TTC28: variants seen among roughly 807,000 people sequenced by gnomAD.
TTC28 encodes the protein tetratricopeptide repeat protein 28.
TTC28 carries 61 observed loss-of-function variants against 198.0 expected under a neutral mutation model. That is an observed-to-expected ratio of 0.31 (90% confidence interval 0.25 to 0.38). TTC28 has a LOEUF of 0.38. TTC28 is among the 10% of genes least tolerant of loss of function. TTC28 has a pLI of 1.00. For missense variants in TTC28, 2,678 were observed against 3,164.0 expected (o/e 0.85, Z 3.69); for synonymous variants, 1,171 against 1,297.8 (o/e 0.90, Z 2.10).
intron 2 of TTC28, among the ~76,000 whole-genome samples, chr22:28,566,425 C>A (rs1291265074): frequency 1.3e-5 from 2 of 152,106 alleles, no homozygotes; most frequent in East Asian, 3.9e-4. Flanking sequence ...CGTTAACTGG[C>A]AAATTTAAGC....
At chr22:28,412,564 T>C (rs1254099339) in intron 2 of TTC28, among the ~76,000 whole-genome samples, 3 of 152,220 alleles carry the variant, frequency 2.0e-5, no homozygotes, top group East Asian at 3.8e-4. Flanking sequence ...TACAATACTC[T>C]TCTCTCCCTA....
rs140938520 is a variant in TTC28 at position 28,010,911 on chromosome 22, C to T, written c.4218+3337G>A. On this transcript the variant is annotated intron_variant, in intron 14 of 22. Transcript: ENST00000397906. ...ATACCATTCCAGAAACTTTACTGAC[C>T]GCCAACGTGTACCAGGCCTTGTAAC... 2.0e-3 allele frequency among the ~76,000 whole-genome samples: 307 copies of T among 152,288 alleles called. 1 individual carries two copies. The highest frequency in any genetic ancestry group is 7.2e-3 in the African/African-American group (298 of 41,554).
intron 2 of TTC28, among the ~76,000 whole-genome samples, chr22:28,526,198 ATAAG>A (rs2049001022): frequency 6.6e-6 from 1 of 152,216 alleles, no homozygotes; most frequent in Non-Finnish European, 1.5e-5. Flanking sequence ...ACTAACAATA[ATAAG>A]TATCTAGTCT....
At chr22:28,581,105 T>C (rs758642364) in intron 2 of TTC28, among the ~76,000 whole-genome samples, 17 of 152,196 alleles carry the variant, frequency 1.1e-4, no homozygotes, top group Non-Finnish European at 2.4e-4. Flanking sequence ...ACGGTCCTCA[T>C]GCGAGGTAAC....
At chr22:28,304,052 A>G (rs2045082457) in intron 3 of TTC28, among the ~76,000 whole-genome samples, 1 of 152,014 alleles carries the variant, frequency 6.6e-6, no homozygotes, top group Non-Finnish European at 1.5e-5. Context: ...TTGGGAGGCC[A>G]AGGTGGGAGG....
chr22:28,433,812 A>G (rs2047473703), intron 2 of TTC28, among the ~76,000 whole-genome samples: 2 of 152,214 alleles, frequency 1.3e-5, no homozygotes, highest in African/African-American at 4.8e-5. Context: ...ACTGGGGGAA[A>G]AAAAAGGCAA....
At position 28,386,304 on chromosome 22, in the gene TTC28, A is replaced by AAAAAAAG. The variant is rs1569296639; in HGVS notation, c.382-79662_382-79661insCTTTTTT. ...AAAAAAAAAAAAAAAAAAAAAAAAA[A>AAAAAAAG]AAGAAGGCTTCACCAGTTTTAGCAG... On this transcript the variant is annotated intron_variant, in intron 2 of 22. Transcript: ENST00000397906. 1.4e-3 allele frequency among the ~76,000 whole-genome samples: 172 copies of AAAAAAAG among 124,006 alleles called. 5 individuals carry two copies. Among genetic ancestry groups the AAAAAAAG allele is most frequent in the African/African-American group, 5.0e-3 (168 of 33,908 alleles). The allele number at this position is 124,006 out of a possible 152,430, so 81.4% of individuals were successfully genotyped here.
intron 2 of TTC28, among the ~76,000 whole-genome samples, chr22:28,485,613 G>T (rs1780861722): frequency 6.6e-6 from 1 of 152,090 alleles, no homozygotes; most frequent in African/African-American, 2.4e-5. Context: ...TCCTTGCTGG[G>T]TCTGTGGGGT....
At chr22:28,182,962 C>T (rs1923847353) in intron 5 of TTC28, among the ~76,000 whole-genome samples, 1 of 151,982 alleles carries the variant, frequency 6.6e-6, no homozygotes, top group African/African-American at 2.4e-5. Flanking sequence ...TACTTTTCTC[C>T]TCAAGCAGCC....
At chr22:28,402,293 A>C (rs533467857) in intron 2 of TTC28, among the ~76,000 whole-genome samples, 1 of 152,334 alleles carries the variant, frequency 6.6e-6, no homozygotes, top group Admixed American at 6.5e-5. Flanking sequence ...AATAATGCCT[A>C]AAGTGGTAAC....
At chr22:28,266,018 A>G (rs1401530649) in intron 5 of TTC28, among the ~76,000 whole-genome samples, 2 of 152,032 alleles carry the variant, frequency 1.3e-5, no homozygotes, top group East Asian at 3.9e-4. Context: ...TGTCTCTACT[A>G]AAAATACAAA....
intron 2 of TTC28, among the ~76,000 whole-genome samples, chr22:28,623,503 T>G (rs2051032608): frequency 6.6e-6 from 1 of 152,024 alleles, no homozygotes; most frequent in Admixed American, 6.6e-5. Flanking sequence ...ACAAAAAAAG[T>G]CAGCAAAGAC....
intron 2 of TTC28, among the ~76,000 whole-genome samples, chr22:28,549,205 T>C (rs1310616482): frequency 2.0e-5 from 3 of 152,088 alleles, no homozygotes; most frequent in East Asian, 1.9e-4. Flanking sequence ...TTTTTTTTAT[T>C]GTTAGGAGAG....
intron 2 of TTC28, among the ~76,000 whole-genome samples, chr22:28,373,071 G>C (rs2145997246): frequency 6.6e-6 from 1 of 152,182 alleles, no homozygotes; most frequent in African/African-American, 2.4e-5. Context: ...GAGAACAATG[G>C]ATACAGGTGA....
intron 2 of TTC28, among the ~76,000 whole-genome samples, chr22:28,564,904 T>A (rs1302277694): frequency 2.7e-5 from 4 of 147,968 alleles, no homozygotes; most frequent in Non-Finnish European, 3.0e-5. Context: ...AATTTATATG[T>A]AATTTATATA....
chr22:28,428,740 G>A (rs921707731), intron 2 of TTC28, among the ~76,000 whole-genome samples: 9 of 151,854 alleles, frequency 5.9e-5, no homozygotes, highest in African/African-American at 1.2e-4. Context: ...CCGGGATCAC[G>A]CCATTCTCCC....
intron 12 of TTC28, among the ~76,000 whole-genome samples, chr22:28,062,000 C>A (rs1940561240): frequency 6.6e-6 from 1 of 152,064 alleles, no homozygotes; most frequent in Non-Finnish European, 1.5e-5. Context: ...GGAGTTCACT[C>A]ATGATTTGGC....
intron 2 of TTC28, among the ~76,000 whole-genome samples, chr22:28,445,047 C>T (rs2047682912): frequency 6.6e-6 from 1 of 152,204 alleles, no homozygotes; most frequent in Non-Finnish European, 1.5e-5. Flanking sequence ...CTCTTCCCAA[C>T]TTTCCTTTCT....
rs1443645550 is a variant in TTC28 at position 28,663,516 on chromosome 22, G to T, written c.102+16106C>A. Among the ~76,000 whole-genome samples the T allele has an allele frequency of 1.7e-4, 24 of 138,714 alleles. No homozygotes were observed. In the Admixed American group the frequency reaches 1.7e-3, roughly 10 times the overall value. 91.0% of individuals were successfully genotyped at this position (138,714 alleles called of 152,430 possible). On this transcript the variant is annotated intron_variant, in intron 1 of 22. Coordinates refer to ENST00000397906, the MANE Select transcript of TTC28 (RefSeq NM_001145418.2). ...CAAGGGGTCAGGGAGTTCCCTTTCCGAGTCAAAGAAAGGGGTGACGGACGC... is the reference window on the plus strand; with the variant it reads ...CAAGGGGTCAGGGAGTTCCCTTTCCTAGTCAAAGAAAGGGGTGACGGACGC...
Sources: allele counts gnomAD v4.1 joint callset (sites outside exome capture counted in the v4.1 genomes callset), GRCh38; gene constraint gnomAD v4.1.1; transcripts MANE v1.5; gene names NCBI Gene and HGNC (gene_info 2026-07-23, HGNC 2026-07-21).